ADD2: variants seen among roughly 807,000 people sequenced by gnomAD.
ADD2 encodes the protein adducin 2.
Under a neutral mutation model 83.0 loss-of-function variants are expected in ADD2, and 23 were observed. The ratio of observed to expected loss-of-function variants is 0.28; its 90% CI spans 0.20 to 0.39. The LOEUF is 0.39. ADD2 is among the 10% of genes least tolerant of loss of function. The pLI is 1.00. For missense variants in ADD2, 758 were observed against 944.9 expected, an observed-to-expected ratio of 0.80 and a Z score of 2.59; for synonymous variants, 375 against 375.4, an observed-to-expected ratio of 1.00 and a Z score of 0.01.
intron 15 of ADD2, among the ~76,000 whole-genome samples, chr2:70,669,124 G>A (rs1190365996): frequency 6.6e-6 from 1 of 152,196 alleles, no homozygotes; most frequent in African/African-American, 2.4e-5. Flanking sequence ...GGTGCTCAAA[G>A]AACAGAGCAG....
chr2:70,693,915 C>A (rs1462748263), intron 6 of ADD2, among the ~76,000 whole-genome samples: 1 of 152,196 alleles, frequency 6.6e-6, no homozygotes, highest in African/African-American at 2.4e-5. Flanking sequence ...AAGCAGGTAC[C>A]CCCTCTTGAG....
intron 1 of ADD2, among the ~76,000 whole-genome samples, chr2:70,748,290 T>TAAA (rs3836142): frequency 1.4e-5 from 2 of 146,828 alleles, no homozygotes; most frequent in African/African-American, 5.0e-5. Flanking sequence ...CAAACACTGA[T>TAAA]AAAAAAAAAA....
chr2:70,761,764 C>G (rs988509595), intron 1 of ADD2, among the ~76,000 whole-genome samples: 2 of 150,420 alleles, frequency 1.3e-5, no homozygotes, highest in Middle Eastern at 3.2e-3. Context: ...CTCTGCCTCC[C>G]GGGTTCATGC....
chr2:70,661,179 A>G lies in ADD2; in HGVS notation c.*2246T>C, dbSNP rs1488977010. 6.6e-6 allele frequency: 1 copy of G among 152,222 alleles called. No individual in the cohort carries two copies. Among genetic ancestry groups the G allele is most frequent in the Non-Finnish European group, 1.5e-5 (1 of 68,038 alleles). 9.4% of individuals were successfully genotyped at this position (152,222 alleles called of 1,614,324 possible). ...AGGCAATCAACATCACCCCCGAAGTAGAACAACTCGCACACAAAAGGCTGC... is the reference window on the plus strand; with the variant it reads ...AGGCAATCAACATCACCCCCGAAGTGGAACAACTCGCACACAAAAGGCTGC... On this transcript the variant is annotated 3_prime_UTR_variant, in exon 16 of 16. Transcript: ENST00000264436.
At chr2:70,741,293 A>T (rs1211589073) in intron 1 of ADD2, 3 of 152,226 alleles carry the variant, frequency 2.0e-5, no homozygotes, top group African/African-American at 7.2e-5. Context: ...AATTACTGAC[A>T]TCTGACATTG....
At chr2:70,689,640 G>A (rs1186724582) in intron 8 of ADD2, among the ~76,000 whole-genome samples, 3 of 152,240 alleles carry the variant, frequency 2.0e-5, no homozygotes, top group Non-Finnish European at 2.9e-5. Context: ...ATACCTCACT[G>A]TGTTAGAGAT....
intron 1 of ADD2, among the ~76,000 whole-genome samples, chr2:70,766,367 G>A (rs782196058): frequency 5.3e-5 from 8 of 152,166 alleles, no homozygotes; most frequent in Non-Finnish European, 1.0e-4. Context: ...ACAGAGAAAA[G>A]TTTGATCACA....
rs118163460 is a variant in ADD2, at chr2:70,686,750, C to T, written c.948+1274G>A. 1.5e-4 allele frequency among the ~76,000 whole-genome samples: 23 copies of T among 152,248 alleles called. No individual in the cohort carries two copies. The East Asian group carries it at 3.7e-3, about 24-fold the overall frequency. On this transcript the variant is annotated intron_variant, in intron 9 of 15. Transcript: ENST00000264436. ...CCAGAATCTTTGGTTGGGCAGCAGC[C>T]GGAGGCGCTACATCACATCAGAAAG...
intron 1 of ADD2, among the ~76,000 whole-genome samples, chr2:70,751,889 A>G (rs537348645): frequency 6.6e-6 from 1 of 152,212 alleles, no homozygotes; most frequent in East Asian, 1.9e-4. Flanking sequence ...TTCTCTCAAG[A>G]TATCTCCCCA....
intron 1 of ADD2, among the ~76,000 whole-genome samples, chr2:70,758,210 T>C (rs1558583998): frequency 6.6e-6 from 1 of 152,216 alleles, no homozygotes; most frequent in African/African-American, 2.4e-5. Flanking sequence ...TTCATCAAGA[T>C]TTTCACAGAT....
chr2:70,758,751 G>T (rs1161848194), intron 1 of ADD2, among the ~76,000 whole-genome samples: 6 of 152,172 alleles, frequency 3.9e-5, no homozygotes, highest in Non-Finnish European at 8.8e-5. Context: ...AGTGAGCCAT[G>T]ATTGCACTGC....
chr2:70,737,535 T>G (rs1574306767), intron 1 of ADD2, among the ~76,000 whole-genome samples: 1 of 123,684 alleles, frequency 8.1e-6, no homozygotes, highest in Non-Finnish European at 1.6e-5. Context: ...TGAGAACACT[T>G]GGACACAGGA....
intron 1 of ADD2, among the ~76,000 whole-genome samples, chr2:70,718,070 G>A (rs1273613573): frequency 1.3e-5 from 2 of 152,028 alleles, no homozygotes; most frequent in African/African-American, 2.4e-5. Flanking sequence ...CTTATTTCTG[G>A]GCATCCCTGG....
chr2:70,729,492 C>T (rs947636051), intron 1 of ADD2, among the ~76,000 whole-genome samples: 2 of 152,174 alleles, frequency 1.3e-5, no homozygotes, highest in Non-Finnish European at 2.9e-5. Context: ...ACCTCTTCCC[C>T]ACCCCTTCAT....
At chr2:70,763,366 T>C (rs1454258872) in intron 1 of ADD2, among the ~76,000 whole-genome samples, 1 of 151,940 alleles carries the variant, frequency 6.6e-6, no homozygotes, top group African/African-American at 2.4e-5. Context: ...CCAATGTATG[T>C]GGAGTCAAAT....
At chr2:70,679,074 C>T (rs1670328814) in intron 10 of ADD2, 113 bp from the exon 11 acceptor site, 3 of 1,265,600 alleles carry the variant, frequency 2.4e-6, no homozygotes, top group Admixed American at 5.0e-5. Context: ...TCATGTAAAC[C>T]CAAATCTCCA....
At chr2:70,698,383 A>G (rs1023838466) in intron 4 of ADD2, among the ~76,000 whole-genome samples, 5 of 152,240 alleles carry the variant, frequency 3.3e-5, no homozygotes, top group Admixed American at 6.5e-5. Flanking sequence ...AGAAGAGAAC[A>G]GGAGGGCTCA....
intron 1 of ADD2, among the ~76,000 whole-genome samples, chr2:70,740,291 G>T (rs1179397773): frequency 6.6e-6 from 1 of 152,008 alleles, no homozygotes; most frequent in Non-Finnish European, 1.5e-5. Context: ...AAAATAACAG[G>T]ATCATAATAA....
chr2:70,681,173 G>C (rs1670432096), intron 10 of ADD2, among the ~76,000 whole-genome samples: 1 of 152,078 alleles, frequency 6.6e-6, no homozygotes, highest in African/African-American at 2.4e-5. Context: ...CCTAAAATTG[G>C]CCTTTGGAGG....
Sources: allele counts gnomAD v4.1 joint callset (sites outside exome capture counted in the v4.1 genomes callset), GRCh38; gene constraint gnomAD v4.1.1; transcripts MANE v1.5; gene names NCBI Gene and HGNC (gene_info 2026-07-23, HGNC 2026-07-21).